Variants in RAD51B observed in about 807,000 individuals in gnomAD.
RAD51B encodes DNA repair protein RAD51 homolog 2.
RAD51B carries 38 observed loss-of-function variants against 42.2 expected under a neutral mutation model. The observed-to-expected ratio is 0.90, with a 90% CI of 0.70 to 1.18. RAD51B has a LOEUF of 1.18. RAD51B is among the 50% of genes most tolerant of loss of function. The pLI, the probability that RAD51B is intolerant of heterozygous loss-of-function variation, is 0.00. For missense variants in RAD51B, 373 were observed against 400.7 expected, an observed-to-expected ratio of 0.93 and a Z score of 0.59; for synonymous variants, 154 against 145.2, an observed-to-expected ratio of 1.06 and a Z score of -0.43.
At chr14:68,585,608 C>A (rs868125408) in intron 10 of RAD51B, among the ~76,000 whole-genome samples, 1 of 152,160 alleles carries the variant, frequency 6.6e-6, no homozygotes, top group Non-Finnish European at 1.5e-5. Flanking sequence ...CAGGTAAGGC[C>A]CCTAAATGCT....
chr14:68,585,669 T>A (rs1890427550), intron 10 of RAD51B, among the ~76,000 whole-genome samples: 1 of 151,944 alleles, frequency 6.6e-6, no homozygotes, highest in African/African-American at 2.4e-5. Flanking sequence ...AGCAAACATT[T>A]TTTTCCTCCC....
intron 7 of RAD51B, among the ~76,000 whole-genome samples, chr14:68,077,948 C>T (rs2076859595): frequency 6.6e-6 from 1 of 152,084 alleles, no homozygotes; most frequent in Non-Finnish European, 1.5e-5. Flanking sequence ...AGTCAGACTC[C>T]ATCTCAAAAA....
intron 7 of RAD51B, among the ~76,000 whole-genome samples, chr14:68,183,675 C>T (rs1308142996): frequency 3.9e-5 from 6 of 152,052 alleles, no homozygotes; most frequent in African/African-American, 7.3e-5. Flanking sequence ...GGGCTAGGCA[C>T]GATGGTTCAC....
intron 10 of RAD51B, among the ~76,000 whole-genome samples, chr14:68,513,595 A>T (rs1885914079): frequency 6.6e-6 from 1 of 152,140 alleles, no homozygotes; most frequent in African/African-American, 2.4e-5. Flanking sequence ...GGCTGACTGT[A>T]TACTGTCTGG....
intron 10 of RAD51B, among the ~76,000 whole-genome samples, chr14:68,573,886 G>A (rs1448939592): frequency 2.6e-5 from 4 of 152,204 alleles, no homozygotes; most frequent in African/African-American, 9.7e-5. Context: ...CGGCAAACAA[G>A]AGCATGCAGC....
intron 7 of RAD51B, among the ~76,000 whole-genome samples, chr14:68,138,562 T>A (rs2140714132): frequency 6.6e-6 from 1 of 152,332 alleles, no homozygotes; most frequent in African/African-American, 2.4e-5. Flanking sequence ...TGTCTTTCTC[T>A]GTATCTGTCT....
chr14:68,566,189 C>T (rs532165326), intron 10 of RAD51B, among the ~76,000 whole-genome samples: 37 of 152,286 alleles, frequency 2.4e-4, no homozygotes, highest in Admixed American at 1.2e-3. Context: ...TCTGTGAGGT[C>T]GGGGAGTGTG....
intron 10 of RAD51B, among the ~76,000 whole-genome samples, chr14:68,546,321 C>T (rs942468499): frequency 1.3e-5 from 2 of 151,966 alleles, no homozygotes; most frequent in African/African-American, 4.8e-5. Flanking sequence ...CATCATCAGA[C>T]CTTGGTGAGG....
At chr14:67,965,689 T>C (rs1259717780) in intron 7 of RAD51B, among the ~76,000 whole-genome samples, 1 of 152,218 alleles carries the variant, frequency 6.6e-6, no homozygotes, top group East Asian at 1.9e-4. Flanking sequence ...TTTACTCCAT[T>C]CCCACAAGCT....
chr14:68,122,972 CACACACACAG>C (rs1324543024), intron 7 of RAD51B, among the ~76,000 whole-genome samples: 1 of 151,982 alleles, frequency 6.6e-6, no homozygotes, highest in South Asian at 2.1e-4. Context: ...CACACACACA[CACACACACAG>C]ACACACACAC....
intron 10 of RAD51B, among the ~76,000 whole-genome samples, chr14:68,575,635 T>A (rs1047839919): frequency 3.9e-5 from 6 of 152,168 alleles, no homozygotes; most frequent in South Asian, 4.1e-4. Context: ...ATTCTCCCAA[T>A]GAGGAAGGCT....
At chr14:68,313,378 C>T (rs538966125) in intron 8 of RAD51B, among the ~76,000 whole-genome samples, 2 of 152,276 alleles carry the variant, frequency 1.3e-5, no homozygotes, top group Admixed American at 6.5e-5. Flanking sequence ...TCTTGATTAG[C>T]GGCTCCTTTT....
intron 4 of RAD51B, among the ~76,000 whole-genome samples, chr14:67,855,200 C>T (rs1450501630): frequency 6.7e-6 from 1 of 150,264 alleles, no homozygotes; most frequent in Non-Finnish European, 1.5e-5. Context: ...GCCTGGCCAG[C>T]ATCTTAGTTT....
At chr14:67,957,960 G>A (rs993947905) in intron 7 of RAD51B, among the ~76,000 whole-genome samples, 6 of 152,094 alleles carry the variant, frequency 3.9e-5, no homozygotes, top group African/African-American at 1.4e-4. Context: ...AGAATTGTAC[G>A]TTCATTCAGT....
intron 9 of RAD51B, among the ~76,000 whole-genome samples, chr14:68,449,573 C>T (rs979344801): frequency 6.6e-6 from 1 of 152,194 alleles, no homozygotes; most frequent in Non-Finnish European, 1.5e-5. Context: ...CACCTTTAGG[C>T]CCATCCCCCC....
chr14:68,222,181 A>T (rs753980532), intron 7 of RAD51B, among the ~76,000 whole-genome samples: 2 of 152,224 alleles, frequency 1.3e-5, no homozygotes, highest in Non-Finnish European at 2.9e-5. Flanking sequence ...CAGCCATCCC[A>T]CTACTAGGAA....
At chr14:68,215,290 TC>T (rs2079790611) in intron 7 of RAD51B, among the ~76,000 whole-genome samples, 1 of 152,242 alleles carries the variant, frequency 6.6e-6, no homozygotes, top group African/African-American at 2.4e-5. Flanking sequence ...TTCATCTTCC[TC>T]TTCAGTTTTT....
intron 7 of RAD51B, among the ~76,000 whole-genome samples, chr14:67,974,582 A>G (rs2074955215): frequency 6.6e-6 from 1 of 152,070 alleles, no homozygotes. Context: ...TAAGGAGGGT[A>G]TAGGCCTAAA....
intron 7 of RAD51B, among the ~76,000 whole-genome samples, chr14:68,226,197 C>T (rs1203365991): frequency 6.6e-6 from 1 of 152,204 alleles, no homozygotes; most frequent in African/African-American, 2.4e-5. Flanking sequence ...TGTTCTTATA[C>T]TTGTCACTTA....
Sources: gnomAD v4.1 joint callset for allele counts (sites outside exome capture counted in the v4.1 genomes callset) on GRCh38, gnomAD v4.1.1 for gene constraint, MANE v1.5 for transcripts, NCBI Gene and HGNC (gene_info 2026-07-23, HGNC 2026-07-21) for gene names.